The following SPAG9 variants were observed in gnomAD, a reference collection of about 807,000 sequenced individuals.
The protein encoded by SPAG9 is C-Jun-amino-terminal kinase-interacting protein 4.
SPAG9 carries 35 observed loss-of-function variants against 166.5 expected under a neutral mutation model. That is an observed-to-expected ratio of 0.21 (90% confidence interval 0.16 to 0.28). SPAG9 has a LOEUF of 0.28. Ranked by LOEUF, SPAG9 falls within the 10% of genes least tolerant of loss-of-function variation. The pLI, the probability that SPAG9 is intolerant of heterozygous loss-of-function variation, is 1.00. For missense variants in SPAG9, 1,235 were observed against 1,603.3 expected (o/e 0.77, Z 3.92); for synonymous variants, 534 against 565.5 (o/e 0.94, Z 0.79).
intron 5 of SPAG9, among the ~76,000 whole-genome samples, chr17:51,032,762 T>C (rs2046429401): frequency 6.6e-6 from 1 of 151,850 alleles, no homozygotes; most frequent in African/African-American, 2.4e-5. Flanking sequence ...ATGGAGAAAC[T>C]TGTCTCTACT....
chr17:51,020,357 C>A, intron 7 of SPAG9, 99 bp from the exon 8 acceptor site: 1 of 734,394 alleles, frequency 1.4e-6, no homozygotes. Context: ...ATCATTTGAA[C>A]ATTTTTTTAA....
Position 50,993,864 on chromosome 17 carries a change from C to T in SPAG9, c.2298G>A (p.Ser766=), listed in dbSNP as rs1385615759. ...SLVWICTSTH[S]ATKVLIIDAV... ...CATCAATAATAAGAACTTTTGTAGCCGAATGAGTGCTGGTACAGATCCAAA... is the reference window on the plus strand; with the variant it reads ...CATCAATAATAAGAACTTTTGTAGCTGAATGAGTGCTGGTACAGATCCAAA... The change falls in exon 19 of 30, where the codon TCG becomes TCA. Residue 766 remains serine, a synonymous_variant. Coordinates refer to ENST00000262013, the MANE Select transcript of SPAG9 (RefSeq NM_001130528.3). 5.0e-6 allele frequency: 8 copies of T among 1,614,048 alleles called. No individual in the cohort carries two copies. The highest frequency in any genetic ancestry group is 1.7e-5 in the Admixed American group (1 of 60,014).
At chr17:51,046,663 C>T (rs1254705991) in intron 4 of SPAG9, 19 of 1,535,916 alleles carry the variant, frequency 1.2e-5, no homozygotes, top group Non-Finnish European at 1.5e-5. Context: ...GGACTCATGG[C>T]GCTGTGCTGG....
At chr17:50,998,329 C>T in intron 15 of SPAG9, 115 bp downstream of exon 15, 1 of 990,022 alleles carries the variant, frequency 1.0e-6, no homozygotes, top group Admixed American at 2.7e-5. Context: ...CGTGCCTGGC[C>T]CAGAAATGAT....
In SPAG9 at chr17:50,966,343, G is replaced by A. The variant is rs1433190255; in HGVS notation, c.3895C>T (p.Leu1299Phe). Reference protein sequence around the residue: ...ESELLGEDLPLEPSVTKAERS... With the variant: ...ESELLGEDLPFEPSVTKAERS... ...TCTGCTTTGGTGACAGAAGGTTCAA[G>A]TGGAAGATCCTCTCCAAGAAGTTCT... The change falls in exon 30 of 30, where the codon CTT becomes TTT. Residue 1299 changes from leucine to phenylalanine, a missense_variant. Around this residue, in one of 6 missense-constraint regions of SPAG9, gnomAD observed 243 missense variants for 358.6 expected, o/e 0.68. Transcript: ENST00000262013. 1.2e-6 allele frequency: 2 copies of A among 1,613,838 alleles called. No homozygotes were observed. The highest frequency in any genetic ancestry group is 1.7e-6 in the Non-Finnish European group (2 of 1,179,864).
intron 27 of SPAG9, chr17:50,976,022 G>A (rs1171080936): frequency 2.2e-5 from 16 of 731,534 alleles, no homozygotes; most frequent in African/African-American, 1.9e-4. Flanking sequence ...AGCCCCTAAC[G>A]AAAATAACAA....
chr17:51,088,010 G>A (rs1308774114), intron 1 of SPAG9, among the ~76,000 whole-genome samples: 1 of 152,192 alleles, frequency 6.6e-6, no homozygotes, highest in Admixed American at 6.5e-5. Context: ...CTCCCAAAGT[G>A]CTGGGATTAT....
chr17:51,112,238 G>C (rs912517420), intron 1 of SPAG9, among the ~76,000 whole-genome samples: 2 of 151,766 alleles, frequency 1.3e-5, no homozygotes, highest in Non-Finnish European at 2.9e-5. Flanking sequence ...AACATTATTC[G>C]AATCGTTAAC....
intron 8 of SPAG9, among the ~76,000 whole-genome samples, chr17:51,016,496 T>C (rs1431018079): frequency 6.6e-6 from 1 of 152,246 alleles, no homozygotes; most frequent in Admixed American, 6.5e-5. Flanking sequence ...TTGGGGACTT[T>C]TACATTTATG....
rs563815479 is a variant in SPAG9, at chr17:50,989,948, T to C, written c.2618-76A>G. ...TATTTCCCCACACAAACCCCTGTTA[T>C]AGAATTCCATTCCATCTACCCACTC... On this transcript the variant is annotated intron_variant, in intron 20 of 29. Transcript: ENST00000262013. 3,149 of 1,231,684 alleles carry C rather than the reference T, an allele frequency of 2.6e-3. 4 individuals carry two copies. The highest frequency in any genetic ancestry group is 3.3e-3 in the Middle Eastern group (17 of 5,160). The allele number at this position is 1,231,684 out of a possible 1,614,324, so 76.3% of individuals were successfully genotyped here.
chr17:50,997,481 T>C lies in SPAG9; in HGVS notation c.1839-787A>G, dbSNP rs150521418. Among the ~76,000 whole-genome samples, 496 of 152,342 alleles carry C rather than the reference T, an allele frequency of 3.3e-3. 4 individuals are homozygous for C. Among genetic ancestry groups the C allele is most frequent in the Middle Eastern group, 0.017 (5 of 294 alleles). ...AGATTTTAGATCCCATTAACTTGTT[T>C]CAGAAAATAAAAATGCAAACTGATT... On this transcript the variant is annotated intron_variant, in intron 15 of 29. Coordinates refer to ENST00000262013, the MANE Select transcript of SPAG9 (RefSeq NM_001130528.3).
chr17:51,065,200 T>A (rs143428905), intron 2 of SPAG9, among the ~76,000 whole-genome samples: 3 of 152,268 alleles, frequency 2.0e-5, no homozygotes, highest in East Asian at 3.9e-4. Context: ...TTTTTAATTT[T>A]ATTTTATTTT....
chr17:51,068,800 T>C (rs978261891), intron 2 of SPAG9, among the ~76,000 whole-genome samples: 4 of 152,214 alleles, frequency 2.6e-5, no homozygotes, highest in African/African-American at 7.2e-5. Flanking sequence ...AATTTTCTGA[T>C]ACCTTTAGTT....
At chr17:51,105,141 G>C (rs1442774654) in intron 1 of SPAG9, among the ~76,000 whole-genome samples, 1 of 150,674 alleles carries the variant, frequency 6.6e-6, no homozygotes, top group Non-Finnish European at 1.5e-5. Flanking sequence ...AAATCTGTTA[G>C]ATGAGTAGGT....
intron 9 of SPAG9, among the ~76,000 whole-genome samples, chr17:51,008,170 T>C (rs973483536): frequency 6.6e-6 from 1 of 152,144 alleles, no homozygotes; most frequent in Non-Finnish European, 1.5e-5. Flanking sequence ...TATAAAATAA[T>C]AATGTTCAGT....
At chr17:50,975,126 T>C in intron 27 of SPAG9, 179 bp from the exon 28 acceptor site, 1 of 549,896 alleles carries the variant, frequency 1.8e-6, no homozygotes, top group Non-Finnish European at 3.1e-6. Context: ...ATGCTAGTTA[T>C]TTTTAAGTAC....
Position 50,989,870 on chromosome 17 carries a change from T to C in SPAG9, c.2620A>G (p.Met874Val). The C allele has an allele frequency of 1.9e-6, 3 of 1,613,930 alleles. No homozygotes were observed. Among genetic ancestry groups the C allele is most frequent in the Non-Finnish European group, 1.7e-6 (2 of 1,179,772 alleles). The part of the protein sequence containing the change: ...ASPVMDKPPE[M>V]EAENSEVDEN... ...TCAACCTCACTATTTTCTGCTTCCA[T>C]TTCTACAAAGTAAATAAAACACTAT... The change falls in exon 21 of 30, where the codon ATG becomes GTG. Residue 874 changes from methionine to valine, a missense_variant and splice_region_variant. Physicochemically the swap from Met to Val is conservative, Grantham distance 21 (BLOSUM62 1). Transcript: ENST00000262013.
intron 26 of SPAG9, 82 bp downstream of exon 26, chr17:50,979,664 G>T: frequency 7.4e-7 from 1 of 1,355,874 alleles, no homozygotes; most frequent in Non-Finnish European, 1.0e-6. Flanking sequence ...AACAAAGCAA[G>T]ACCTCATTTC....
chr17:51,023,766 G>C (rs764396903), intron 6 of SPAG9, among the ~76,000 whole-genome samples: 7 of 152,210 alleles, frequency 4.6e-5, no homozygotes, highest in Non-Finnish European at 1.0e-4. Flanking sequence ...CCAGGCTCAA[G>C]CGATTCTCGT....
Sources: allele counts gnomAD v4.1 joint callset (sites outside exome capture counted in the v4.1 genomes callset), GRCh38; gene constraint gnomAD v4.1.1; regional missense constraint gnomAD v4.1.1; transcripts MANE v1.5; gene names NCBI Gene and HGNC (gene_info 2026-07-23, HGNC 2026-07-21).